MAP3K2: variants seen among roughly 807,000 people sequenced by gnomAD.
The protein encoded by MAP3K2 is mitogen-activated protein kinase kinase kinase 2.
MAP3K2 carries 24 observed loss-of-function variants against 80.3 expected under a neutral mutation model. That is an observed-to-expected ratio of 0.30 (90% CI 0.22 to 0.42). The LOEUF (loss-of-function observed/expected upper bound fraction) is 0.42. Among genes scored for constraint, MAP3K2 ranks in the 10% least tolerant of loss-of-function variants. MAP3K2 has a pLI of 1.00. For synonymous variants in MAP3K2, 244 were observed against 253.7 expected, an observed-to-expected ratio of 0.96 and a Z score of 0.36; for missense variants, 608 against 750.1, an observed-to-expected ratio of 0.81 and a Z score of 2.21.
intron 5 of MAP3K2, among the ~76,000 whole-genome samples, chr2:127,334,578 TG>T: frequency 6.6e-6 from 1 of 152,040 alleles, no homozygotes; most frequent in East Asian, 1.9e-4. Context: ...CCCGAATAGC[TG>T]GGACTACAGG....
chr2:127,387,786 C>A lies in MAP3K2; in HGVS notation c.-400G>T. 1.0e-6 allele frequency: 1 copy of A among 985,150 alleles called. No individual in the cohort carries two copies. Among genetic ancestry groups the A allele is most frequent in the Non-Finnish European group, 1.2e-6 (1 of 829,788 alleles). The allele number at this position is 985,150 out of a possible 1,614,324, so 61.0% of individuals were successfully genotyped here. On this transcript the variant is annotated 5_prime_UTR_variant, in exon 1 of 17. Transcript: ENST00000682094. ...AAAGGAGGAAGCCGCGGGCCCGCGTCGCTAGAGACCGGAGAAGAGGCGGGA... is the reference window on the plus strand; with the variant it reads ...AAAGGAGGAAGCCGCGGGCCCGCGTAGCTAGAGACCGGAGAAGAGGCGGGA...
chr2:127,377,854 A>C (rs1034771516), intron 1 of MAP3K2, among the ~76,000 whole-genome samples: 19 of 152,184 alleles, frequency 1.2e-4, no homozygotes, highest in Non-Finnish European at 2.5e-4. Context: ...GAAATGGGTG[A>C]AATCTAGGAC....
Position 127,335,860 on chromosome 2 carries a change from A to G in MAP3K2, c.264+10T>C. 7 of 1,461,754 alleles carry G rather than the reference A, an allele frequency of 4.8e-6. No individual in the cohort carries two copies. Among genetic ancestry groups the G allele is most frequent in the Non-Finnish European group, 6.6e-6 (7 of 1,062,424 alleles). 90.5% of individuals were successfully genotyped at this position (1,461,754 alleles called of 1,614,324 possible). ...GTAAGATCTACTAAAGTTAAACTGT[A>G]CATGTTTACCTCGTTATTGGTATAA... On this transcript the variant is annotated intron_variant, in intron 5 of 16. Transcript: ENST00000682094.
intron 1 of MAP3K2, among the ~76,000 whole-genome samples, chr2:127,354,052 G>A (rs146645265): frequency 1.6e-4 from 24 of 151,920 alleles, no homozygotes; most frequent in Middle Eastern, 3.4e-3. Context: ...CAACAGGCTC[G>A]TTAAGAGTCA....
At chr2:127,341,812 A>G (rs912882676) in intron 2 of MAP3K2, among the ~76,000 whole-genome samples, 2 of 152,110 alleles carry the variant, frequency 1.3e-5, no homozygotes, top group African/African-American at 4.8e-5. Flanking sequence ...GATTACAGGC[A>G]TGAGCCACCA....
Position 127,310,802 on chromosome 2 carries a change from T to C in MAP3K2, c.1457-2040A>G, listed in dbSNP as rs553972293. Among the ~76,000 whole-genome samples, 1 of 152,278 alleles carries C rather than the reference T, an allele frequency of 6.6e-6. No homozygotes were observed. Among genetic ancestry groups the C allele is most frequent in the Non-Finnish European group, 1.5e-5 (1 of 68,020 alleles). The stretch of plus-strand genomic sequence containing the variant: ...TAAATCATTTCTCTTCTCATTTTTT[T>C]CCACATAGCCCTCATTACTTTGGAC... On this transcript the variant is annotated intron_variant, in intron 15 of 16. Transcript: ENST00000682094. The surrounding 1 kb of genome is among the most constrained non-coding windows in gnomAD (Gnocchi z 4.8).
chr2:127,353,653 G>A (rs1473367060), intron 1 of MAP3K2, among the ~76,000 whole-genome samples: 1 of 151,400 alleles, frequency 6.6e-6, no homozygotes, highest in Non-Finnish European at 1.5e-5. Flanking sequence ...CAGCCACCCC[G>A]TCCGGGAGGT....
In MAP3K2 at chr2:127,323,959, C is replaced by G. The variant is rs1367622981; in HGVS notation, c.781G>C (p.Gly261Arg). ...DNPIFEKFGK[G>R]GTYPRRYHVS... ...TGATACCTTCTTGGATATGTTCCTC[C>G]TTTTCCAAATTTCTCAAAGATAGGG... Residue 261 changes from glycine to arginine, a missense_variant, in exon 11 of 17, where the codon GGA becomes CGA. Physicochemically the swap from Gly to Arg is moderately radical, Grantham distance 125 (BLOSUM62 -2). Coordinates refer to ENST00000682094, the MANE Select transcript of MAP3K2 (RefSeq NM_001371910.2). 2 of 1,565,702 alleles carry G rather than the reference C, an allele frequency of 1.3e-6. No homozygotes were observed. The highest frequency in any genetic ancestry group is 3.6e-5 in the Admixed American group (2 of 55,936).
chr2:127,349,140 C>T (rs1486967205), intron 1 of MAP3K2, among the ~76,000 whole-genome samples: 3 of 151,202 alleles, frequency 2.0e-5, no homozygotes, highest in African/African-American at 7.3e-5. Context: ...TAACATAAAA[C>T]AAGAAAGTGT....
rs193237244 is a variant in MAP3K2 at position 127,310,465 on chromosome 2, G to A, written c.1457-1703C>T. Among the ~76,000 whole-genome samples the A allele has an allele frequency of 3.3e-5, 5 of 152,264 alleles. No individual in the cohort carries two copies. The East Asian group carries it at 7.7e-4, about 24-fold the overall frequency. On this transcript the variant is annotated intron_variant, in intron 15 of 16. Transcript: ENST00000682094. The surrounding 1 kb of genome is among the most constrained non-coding windows in gnomAD (Gnocchi z 4.8). ...GGAATTCAAGGCCAGCCTAGGCAAC[G>A]TGGTGAGACACCATCTCTACAAAAA...
chr2:127,337,671 C>T, intron 4 of MAP3K2, 67 bp downstream of exon 4: 1 of 967,370 alleles, frequency 1.0e-6, no homozygotes, highest in Non-Finnish European at 1.6e-6. Flanking sequence ...AAGAACCTTT[C>T]AAAAGCTTAA....
chr2:127,326,977 T>C (rs1295195546), intron 7 of MAP3K2, among the ~76,000 whole-genome samples, 160 bp from the exon 8 acceptor site: 3 of 152,238 alleles, frequency 2.0e-5, no homozygotes, highest in Admixed American at 6.5e-5. Flanking sequence ...AATCTTCAAA[T>C]GGCTTTATAA....
intron 1 of MAP3K2, among the ~76,000 whole-genome samples, chr2:127,358,408 C>G (rs1324731024): frequency 6.6e-6 from 1 of 152,064 alleles, no homozygotes; most frequent in Non-Finnish European, 1.5e-5. Context: ...CCATATGAAC[C>G]AGTAATCATG....
intron 12 of MAP3K2, among the ~76,000 whole-genome samples, chr2:127,320,283 G>A (rs573144524): frequency 5.3e-5 from 8 of 152,310 alleles, no homozygotes; most frequent in South Asian, 4.1e-4. Flanking sequence ...TGAACAGAGC[G>A]ATGGAAACTA....
At position 127,353,348 on chromosome 2, in the gene MAP3K2, G is replaced by A. The variant is rs563072933; in HGVS notation, c.-65-10154C>T. On this transcript the variant is annotated intron_variant, in intron 1 of 16. Transcript: ENST00000682094. ...ATGTGAGGAGCGCCTCCGCCCGGCC[G>A]TGACCCCGTCTGCGAGGTGAGGAGC... Among the ~76,000 whole-genome samples the A allele has an allele frequency of 1.0e-3, 158 of 151,176 alleles. 2 individuals are homozygous for A. The highest frequency in any genetic ancestry group is 3.7e-3 in the African/African-American group (150 of 41,086).
intron 1 of MAP3K2, among the ~76,000 whole-genome samples, chr2:127,354,782 C>G (rs2104865181): frequency 6.6e-6 from 1 of 151,896 alleles, no homozygotes; most frequent in East Asian, 1.9e-4. Context: ...TAATAACAGA[C>G]CCAGATATGA....
chr2:127,326,499 C>G (rs1007080842), intron 8 of MAP3K2, among the ~76,000 whole-genome samples, 188 bp downstream of exon 8: 9 of 152,198 alleles, frequency 5.9e-5, no homozygotes, highest in Non-Finnish European at 1.3e-4. Context: ...CAGCTGTATT[C>G]CAGCTTTCTT....
At position 127,298,734 on chromosome 2, in the gene MAP3K2, G is replaced by C. The variant is rs1685532492; in HGVS notation, c.*8845C>G. On this transcript the variant is annotated 3_prime_UTR_variant, in exon 17 of 17. Coordinates refer to ENST00000682094, the MANE Select transcript of MAP3K2 (RefSeq NM_001371910.2). ...GCCATTCATTTATATTCATTCCATA[G>C]TCCAGAAGGTTACTTATTAGAGTAA... 1 of 152,122 alleles carries C rather than the reference G, an allele frequency of 6.6e-6. No homozygotes were observed. The highest frequency in any genetic ancestry group is 1.5e-5 in the Non-Finnish European group (1 of 68,022). 9.4% of individuals were successfully genotyped at this position (152,122 alleles called of 1,614,324 possible).
At position 127,322,985 on chromosome 2, in the gene MAP3K2, G is replaced by C. The variant is rs1255494822; in HGVS notation, c.839-733C>G. 1.8e-4 allele frequency among the ~76,000 whole-genome samples: 27 copies of C among 151,800 alleles called. No homozygotes were observed. Among genetic ancestry groups the C allele is most frequent in the Admixed American group, 1.8e-3 (27 of 15,234 alleles). On this transcript the variant is annotated intron_variant, in intron 11 of 16. Coordinates refer to ENST00000682094, the MANE Select transcript of MAP3K2 (RefSeq NM_001371910.2). This position sits in a 1 kb window ranked among gnomAD's most constrained non-coding sequence, Gnocchi z 4.2. ...TATCATTTAAAAGTTACTCCTTTTG[G>C]ATGGGTGCAGTGGCTCATGCCTGTA...
Sources: allele counts gnomAD v4.1 joint callset (sites outside exome capture counted in the v4.1 genomes callset), GRCh38; gene constraint gnomAD v4.1.1; non-coding constraint Gnocchi (gnomAD v3.1); transcripts MANE v1.5; gene names NCBI Gene and HGNC (gene_info 2026-07-23, HGNC 2026-07-21).